SASH1: variants seen among roughly 807,000 people sequenced by gnomAD.
SASH1 encodes the protein SAM and SH3 domain containing 1.
SASH1 carries 44 observed loss-of-function variants against 125.2 expected under a neutral mutation model. The observed-to-expected ratio is 0.35, with a 90% confidence interval of 0.28 to 0.45. The LOEUF (loss-of-function observed/expected upper bound fraction) is 0.45. Ranked by LOEUF, SASH1 falls within the 20% of genes least tolerant of loss-of-function variation. The pLI, the probability that SASH1 is intolerant of heterozygous loss-of-function variation, is 1.00. For synonymous variants in SASH1, 639 were observed against 649.1 expected, an observed-to-expected ratio of 0.98 and a Z score of 0.24; for missense variants, 1,426 against 1,614.5, an observed-to-expected ratio of 0.88 and a Z score of 2.00.
chr6:148,503,509 C>A (rs998873360), intron 8 of SASH1, among the ~76,000 whole-genome samples: 1 of 152,072 alleles, frequency 6.6e-6, no homozygotes, highest in Non-Finnish European at 1.5e-5. Context: ...TCTTGACATG[C>A]GAAAATATTC....
At chr6:148,301,852 C>A (rs1008448486) in intron 1 of SASH1, among the ~76,000 whole-genome samples, 1 of 151,098 alleles carries the variant, frequency 6.6e-6, no homozygotes, top group African/African-American at 2.4e-5. Flanking sequence ...CCACCTCGGC[C>A]TCCCAAAGTG....
chr6:148,410,376 C>A (rs892625111), intron 2 of SASH1, among the ~76,000 whole-genome samples: 1 of 151,918 alleles, frequency 6.6e-6, no homozygotes, highest in African/African-American at 2.4e-5. Flanking sequence ...CCCAACAGAG[C>A]AGTCCTGATG....
chr6:148,407,076 A>G (rs1218717464), intron 2 of SASH1, among the ~76,000 whole-genome samples: 9 of 152,238 alleles, frequency 5.9e-5, no homozygotes, highest in Non-Finnish European at 1.3e-4. Flanking sequence ...AAAAAATTAT[A>G]GTAAAATATA....
chr6:148,302,311 C>CAAAAAAAAA (rs1174644909), intron 1 of SASH1, among the ~76,000 whole-genome samples: 2 of 44,888 alleles, frequency 4.5e-5, no homozygotes, highest in Non-Finnish European at 7.6e-5. Flanking sequence ...GACTCCGTCT[C>CAAAAAAAAA]AAAAAAAAAA....
At chr6:148,474,834 C>T (rs1342601288) in intron 7 of SASH1, among the ~76,000 whole-genome samples, 1 of 152,134 alleles carries the variant, frequency 6.6e-6, no homozygotes, top group Non-Finnish European at 1.5e-5. Context: ...GGCCTCCCAA[C>T]ATGTTGGAAT....
upstream of SASH1, among the ~76,000 whole-genome samples, chr6:148,269,381 C>T (rs1402809427): frequency 6.6e-6 from 1 of 152,054 alleles, no homozygotes; most frequent in Non-Finnish European, 1.5e-5. Flanking sequence ...GCAATCCTCC[C>T]ACCACCATTT....
intron 4 of SASH1, among the ~76,000 whole-genome samples, chr6:148,461,419 T>C (rs184300448): frequency 5.8e-4 from 88 of 152,342 alleles, no homozygotes; most frequent in Admixed American, 1.4e-3. Flanking sequence ...TTGTCATTGA[T>C]ATTGATTATT....
chr6:148,449,210 C>T (rs1177017822), intron 4 of SASH1, among the ~76,000 whole-genome samples: 1 of 150,016 alleles, frequency 6.7e-6, no homozygotes, highest in Non-Finnish European at 1.5e-5. Context: ...GCTGGGACTA[C>T]AGGCATGTGC....
At chr6:148,423,345 A>G (rs1775659334) in intron 2 of SASH1, among the ~76,000 whole-genome samples, 1 of 152,224 alleles carries the variant, frequency 6.6e-6, no homozygotes, top group African/African-American at 2.4e-5. Flanking sequence ...ATTGGCTTGC[A>G]ATTGATTCTG....
intron 2 of SASH1, among the ~76,000 whole-genome samples, chr6:148,430,693 C>T (rs971490357): frequency 6.6e-6 from 1 of 152,202 alleles, no homozygotes; most frequent in Non-Finnish European, 1.5e-5. Flanking sequence ...AAACAATACA[C>T]ATCACTGGGG....
chr6:148,415,979 G>GC (rs1205432283), intron 2 of SASH1, among the ~76,000 whole-genome samples: 4 of 152,182 alleles, frequency 2.6e-5, no homozygotes, highest in African/African-American at 9.7e-5. Context: ...ATAGTGTGGG[G>GC]CGGTAAAGGA....
rs376448942 is a variant in SASH1, at chr6:148,533,008, C to T, written c.1734+42C>T. On this transcript the variant is annotated intron_variant, in intron 14 of 19. Coordinates refer to ENST00000367467, the MANE Select transcript of SASH1 (RefSeq NM_015278.5). The surrounding 1 kb of genome is among the most constrained non-coding windows in gnomAD (Gnocchi z 6.2). ...CCTCAGAGCAGCTAACTGGGCTCTT[C>T]CATTTCTCTAGGAGGCTTTCTTTCC... is the stretch of plus-strand genomic sequence containing the variant. 3.1e-6 allele frequency: 5 copies of T among 1,600,606 alleles called. No homozygotes were observed. In the Admixed American group the frequency reaches 8.4e-5, roughly 27 times the overall value.
chr6:148,449,309 A>G (rs1292876576), intron 4 of SASH1, among the ~76,000 whole-genome samples: 2 of 150,720 alleles, frequency 1.3e-5, no homozygotes, highest in African/African-American at 4.9e-5. Context: ...ATCTCAAGTG[A>G]TCCACCTGCC....
chr6:148,392,680 A>G (rs1302992005), intron 2 of SASH1, among the ~76,000 whole-genome samples: 2 of 152,144 alleles, frequency 1.3e-5, no homozygotes, highest in Non-Finnish European at 2.9e-5. Context: ...TCTTTCTTTT[A>G]TGTTCACCAA....
At chr6:148,284,323 C>A (rs1429091951) in intron 1 of SASH1, among the ~76,000 whole-genome samples, 1 of 152,084 alleles carries the variant, frequency 6.6e-6, no homozygotes, top group Non-Finnish European at 1.5e-5. Flanking sequence ...CCTATAGTCC[C>A]AGCTACTCAG....
chr6:148,409,890 G>A (rs1048429021), intron 2 of SASH1, among the ~76,000 whole-genome samples: 3 of 151,910 alleles, frequency 2.0e-5, no homozygotes, highest in Non-Finnish European at 4.4e-5. Context: ...AGTGAGCCGA[G>A]ATTGCACCAC....
intron 1 of SASH1, among the ~76,000 whole-genome samples, chr6:148,351,198 T>G (rs1339217694): frequency 2.0e-5 from 3 of 149,986 alleles, no homozygotes; most frequent in Admixed American, 6.6e-5. Flanking sequence ...GTAGTTTTTT[T>G]TTTTTTTTTT....
At chr6:148,540,300 A>G in intron 16 of SASH1, 143 bp from the exon 17 acceptor site, 1 of 638,192 alleles carries the variant, frequency 1.6e-6, no homozygotes, top group Non-Finnish European at 2.8e-6. Flanking sequence ...ACACTAGTTC[A>G]TTTTGATCTC....
At chr6:148,241,516 T>C in the SASH1 span, among the ~76,000 whole-genome samples, 73 of 152,286 alleles carry the variant, frequency 4.8e-4, no homozygotes, top group African/African-American at 1.6e-3. Context: ...ATAGACCCCT[T>C]GAATTGTGTC....
Sources: allele counts gnomAD v4.1 joint callset (sites outside exome capture counted in the v4.1 genomes callset), GRCh38; gene constraint gnomAD v4.1.1; non-coding constraint Gnocchi (gnomAD v3.1); transcripts MANE v1.5; gene names NCBI Gene and HGNC (gene_info 2026-07-23, HGNC 2026-07-21).